Variants in FRMPD4 observed in about 807,000 individuals in gnomAD.
The protein encoded by FRMPD4 is FERM and PDZ domain containing 4, also known as FERM and PDZ domain-containing protein 4.
In FRMPD4, 22 loss-of-function variants were observed where a neutral mutation model predicts 94.1. The observed-to-expected ratio is 0.23, with a 90% confidence interval of 0.17 to 0.33. The LOEUF is 0.33. FRMPD4 is among the 10% of genes least tolerant of loss of function. The pLI is 1.00. For missense variants in FRMPD4, 1,111 were observed against 1,339.9 expected (o/e 0.83, Z 2.67); for synonymous variants, 631 against 548.6 (o/e 1.15, Z -2.10).
intron 3 of FRMPD4, among the ~76,000 whole-genome samples, chrX:12,000,710 C>G (rs1002790258): frequency 6.3e-5 from 7 of 111,794 alleles, no homozygotes; most frequent in African/African-American, 2.3e-4. Flanking sequence ...GAAGGTCTTT[C>G]CAATCCCTCA....
intron 1 of FRMPD4, among the ~76,000 whole-genome samples, chrX:12,335,487 C>A (rs2055503232): frequency 9.0e-6 from 1 of 111,615 alleles, no homozygotes; most frequent in African/African-American, 3.3e-5. Context: ...TTTATATAAT[C>A]GTTTCTTTGA....
chrX:12,241,902 A>G (rs1444901925), intron 1 of FRMPD4, among the ~76,000 whole-genome samples: 1 of 106,905 alleles, frequency 9.4e-6, no homozygotes, highest in Non-Finnish European at 1.9e-5. Context: ...CCCTGTCTCT[A>G]AAAAAAATAA....
chrX:12,150,769 G>A (rs183393831), intron 1 of FRMPD4, among the ~76,000 whole-genome samples: 29 of 111,329 alleles, frequency 2.6e-4, no homozygotes, highest in Non-Finnish European at 4.5e-4. Flanking sequence ...CAATGTACCT[G>A]GTCACCCAAG....
intron 3 of FRMPD4, among the ~76,000 whole-genome samples, chrX:12,092,074 GTAGA>G (rs778099296): frequency 6.7e-4 from 75 of 111,450 alleles, no homozygotes; most frequent in African/African-American, 2.2e-3. Context: ...AATTCATAAA[GTAGA>G]TATTATGATT....
chrX:12,457,587 G>A (rs2057347147), intron 1 of FRMPD4, among the ~76,000 whole-genome samples: 1 of 111,742 alleles, frequency 8.9e-6, no homozygotes, highest in African/African-American at 3.2e-5. Flanking sequence ...ACTTGACAAT[G>A]TGATGGTTAA....
chrX:12,091,331 G>A (rs2055152174), intron 3 of FRMPD4, among the ~76,000 whole-genome samples: 1 of 111,971 alleles, frequency 8.9e-6, no homozygotes, highest in Non-Finnish European at 1.9e-5. Flanking sequence ...AGAAGGGCCA[G>A]ATAACAAATA....
intron 1 of FRMPD4, among the ~76,000 whole-genome samples, chrX:11,863,007 T>A (rs1282355404): frequency 1.9e-5 from 2 of 105,708 alleles, no homozygotes; most frequent in South Asian, 4.3e-4. Context: ...TCTTTTTTTT[T>A]ATTATACTTT....
chrX:12,550,094 A>G (rs961959222), intron 2 of FRMPD4, among the ~76,000 whole-genome samples: 2 of 111,642 alleles, frequency 1.8e-5, no homozygotes, highest in African/African-American at 6.5e-5. Flanking sequence ...AAATATTTAC[A>G]TATGTGACAG....
chrX:11,976,189 T>G (rs1372234305), intron 3 of FRMPD4, among the ~76,000 whole-genome samples: 1 of 111,671 alleles, frequency 9.0e-6, no homozygotes. Flanking sequence ...GGGGAGTGGG[T>G]TCTTCTCAAG....
intron 1 of FRMPD4, among the ~76,000 whole-genome samples, chrX:12,415,240 G>C (rs1277010321): frequency 3.6e-5 from 4 of 111,887 alleles, no homozygotes; most frequent in Admixed American, 9.5e-5. Context: ...CTGAGACTAA[G>C]AGGGTCTTCG....
At chrX:12,048,292 G>A (rs1302057974) in intron 3 of FRMPD4, among the ~76,000 whole-genome samples, 2 of 112,137 alleles carry the variant, frequency 1.8e-5, no homozygotes, top group Non-Finnish European at 3.8e-5. Flanking sequence ...TTGGCCACTT[G>A]TTTGTCTTTT....
At chrX:12,491,439 A>C (rs1486565138) in intron 1 of FRMPD4, among the ~76,000 whole-genome samples, 1 of 111,709 alleles carries the variant, frequency 9.0e-6, no homozygotes, top group Non-Finnish European at 1.9e-5. Context: ...TGTTCATTTA[A>C]CTACATCCTA....
chrX:12,399,579 A>G (rs767698343), intron 1 of FRMPD4, among the ~76,000 whole-genome samples: 3 of 112,226 alleles, frequency 2.7e-5, no homozygotes, highest in African/African-American at 9.7e-5. Context: ...TGTTATATGT[A>G]TTATATATTG....
intron 1 of FRMPD4, among the ~76,000 whole-genome samples, chrX:12,490,954 G>C (rs1221390273): frequency 9.0e-6 from 1 of 110,763 alleles, no homozygotes; most frequent in Non-Finnish European, 1.9e-5. Context: ...GTTTTATACT[G>C]ATGAACACTT....
chrX:11,986,864 T>C (rs2054432440), intron 3 of FRMPD4, among the ~76,000 whole-genome samples: 1 of 109,129 alleles, frequency 9.2e-6, no homozygotes, highest in Non-Finnish European at 1.9e-5. Context: ...TCAAGAAACC[T>C]AAAACCCAAA....
At chrX:12,583,260 G>C (rs1371830136) in intron 2 of FRMPD4, among the ~76,000 whole-genome samples, 1 of 112,991 alleles carries the variant, frequency 8.9e-6, no homozygotes, top group Admixed American at 9.3e-5. Flanking sequence ...ATATTCTAAA[G>C]TGTATTAAAA....
chrX:12,102,881 C>T (rs1405446), intron 3 of FRMPD4, among the ~76,000 whole-genome samples: 2 of 108,505 alleles, frequency 1.8e-5, no homozygotes, highest in Non-Finnish European at 3.8e-5. Context: ...GGGCTTGCTC[C>T]GAGAGATGCT....
chrX:11,877,595 C>A (rs1263746805), intron 2 of FRMPD4, among the ~76,000 whole-genome samples: 1 of 111,979 alleles, frequency 8.9e-6, no homozygotes, highest in Non-Finnish European at 1.9e-5. Context: ...CATGTCAGAC[C>A]TAATTGCTGT....
At chrX:12,263,672 G>A (rs2054229231) in intron 1 of FRMPD4, among the ~76,000 whole-genome samples, 1 of 111,341 alleles carries the variant, frequency 9.0e-6, no homozygotes, top group Non-Finnish European at 1.9e-5. Context: ...GTGAGAAGTG[G>A]AGGGATCCTG....
Sources: gnomAD v4.1 joint callset for allele counts (sites outside exome capture counted in the v4.1 genomes callset) on GRCh38, gnomAD v4.1.1 for gene constraint, MANE v1.5 for transcripts, NCBI Gene and HGNC (gene_info 2026-07-23, HGNC 2026-07-21) for gene names.